Variants in BMAL2 observed in about 807,000 individuals in gnomAD.
BMAL2 encodes the protein basic helix-loop-helix ARNT-like protein 2.
At chr12:27,368,501 A>G in the BMAL2 span, 1 of 1,465,254 alleles carries the variant, frequency 6.8e-7, no homozygotes, top group Non-Finnish European at 9.4e-7. Context: ...AATTATTTCC[A>G]AGTTCATGGT....
the BMAL2 span, chr12:27,390,310 G>T: frequency 1.3e-6 from 2 of 1,483,136 alleles, no homozygotes; most frequent in South Asian, 1.2e-5. Context: ...TTTCTGTACA[G>T]AAAAAATAAA....
the BMAL2 span, chr12:27,403,379 A>G: frequency 8.5e-7 from 1 of 1,174,184 alleles, no homozygotes; most frequent in African/African-American, 1.5e-5. Flanking sequence ...AAATTATTTG[A>G]ATTGAAAGAA....
the BMAL2 span, chr12:27,333,125 C>A: frequency 3.3e-6 from 4 of 1,204,628 alleles, no homozygotes; most frequent in Non-Finnish European, 4.1e-6. Flanking sequence ...GGTGGCGAGG[C>A]GACGGCCCCA....
the BMAL2 span, chr12:27,332,884 G>A: frequency 4.5e-6 from 1 of 219,888 alleles, no homozygotes. Flanking sequence ...AGCTGCTGCC[G>A]GCCGGGCTGC....
chr12:27,390,521 G>T, the BMAL2 span: 1 of 293,632 alleles, frequency 3.4e-6, no homozygotes, highest in East Asian at 8.7e-5. Context: ...ACAAGAGATG[G>T]AAATAAAACT....
At chr12:27,375,686 A>G in the BMAL2 span, among the ~76,000 whole-genome samples, 3 of 152,246 alleles carry the variant, frequency 2.0e-5, no homozygotes, top group South Asian at 6.2e-4. Flanking sequence ...ACATTTGGAA[A>G]TAAATCTTTT....
the BMAL2 span, chr12:27,390,404 T>C: frequency 1.4e-6 from 1 of 701,764 alleles, no homozygotes; most frequent in Non-Finnish European, 2.3e-6. Context: ...CATTTGTTCA[T>C]CACATCTTTC....
chr12:27,402,969 A>G, the BMAL2 span, among the ~76,000 whole-genome samples: 2 of 152,250 alleles, frequency 1.3e-5, no homozygotes, highest in African/African-American at 4.8e-5. Flanking sequence ...TGTTCATTCA[A>G]CTTGCTTTCC....
the BMAL2 span, among the ~76,000 whole-genome samples, chr12:27,380,807 G>A: frequency 1.3e-5 from 2 of 151,878 alleles, no homozygotes; most frequent in Non-Finnish European, 2.9e-5. Flanking sequence ...TCCAGATTTC[G>A]AAACAAGCCT....
chr12:27,385,376 A>G, the BMAL2 span: 1 of 636,278 alleles, frequency 1.6e-6, no homozygotes, highest in Non-Finnish European at 2.8e-6. Context: ...ATGTCTTAGA[A>G]TGTGCCAAAG....
At chr12:27,360,026 C>T in the BMAL2 span, among the ~76,000 whole-genome samples, 20 of 139,342 alleles carry the variant, frequency 1.4e-4, no homozygotes, top group African/African-American at 4.1e-4. Flanking sequence ...GCACTCCAGC[C>T]TGGGTGACAG....
At chr12:27,400,925 C>T in the BMAL2 span, 1 of 794,974 alleles carries the variant, frequency 1.3e-6, no homozygotes, top group Non-Finnish European at 1.9e-6. Flanking sequence ...ATGGACATGT[C>T]AGTAAATTTG....
the BMAL2 span, among the ~76,000 whole-genome samples, chr12:27,344,185 C>G: frequency 6.6e-6 from 1 of 152,138 alleles, no homozygotes. Flanking sequence ...TGAACCCAGG[C>G]AGAGTGGCCT....
the BMAL2 span, chr12:27,401,594 T>A: frequency 1.2e-6 from 2 of 1,611,332 alleles, no homozygotes; most frequent in Non-Finnish European, 1.7e-6. Flanking sequence ...CTTTTGTAAC[T>A]TTAAAAAGCC....
chr12:27,367,816 G>A, the BMAL2 span, among the ~76,000 whole-genome samples: 3 of 34,532 alleles, frequency 8.7e-5, no homozygotes, highest in Non-Finnish European at 1.9e-4. Flanking sequence ...TAGATATAAT[G>A]TGTGTGTGTG....
chr12:27,402,527 T>C, the BMAL2 span: 1 of 1,071,426 alleles, frequency 9.3e-7, no homozygotes, highest in African/African-American at 1.6e-5. Flanking sequence ...GGGCCACAAA[T>C]TGACAAATTA....
chr12:27,338,153 G>C, the BMAL2 span, among the ~76,000 whole-genome samples: 1 of 152,302 alleles, frequency 6.6e-6, no homozygotes, highest in South Asian at 2.1e-4. Flanking sequence ...TTAAGGTGTG[G>C]AAAGGGTTAG....
the BMAL2 span, among the ~76,000 whole-genome samples, chr12:27,339,035 T>C: frequency 1.3e-5 from 2 of 152,226 alleles, no homozygotes; most frequent in Admixed American, 1.3e-4. Context: ...CAGGGGTTTG[T>C]TGTACAGGTT....
the BMAL2 span, chr12:27,421,164 CAGAA>C: frequency 2.6e-5 from 4 of 152,138 alleles, no homozygotes; most frequent in African/African-American, 7.2e-5. Flanking sequence ...GCTTAAAACT[CAGAA>C]AGTCAAAAGA....
Sources: allele counts gnomAD v4.1 joint callset (sites outside exome capture counted in the v4.1 genomes callset), GRCh38; gene constraint gnomAD v4.1.1; transcripts MANE v1.5; gene names NCBI Gene and HGNC (gene_info 2026-07-23, HGNC 2026-07-21).